Variants in UBE3C observed in about 807,000 individuals in gnomAD.
The protein encoded by UBE3C is ubiquitin-protein ligase E3C.
A neutral mutation model predicts 129.4 loss-of-function variants in UBE3C; 42 were observed. The observed-to-expected ratio is 0.32, with a 90% CI of 0.25 to 0.42. The LOEUF (loss-of-function observed/expected upper bound fraction) is 0.42. UBE3C is among the 10% of genes least tolerant of loss of function. UBE3C has a pLI of 1.00. For synonymous variants in UBE3C, 510 were observed against 492.4 expected (o/e 1.04, Z -0.47); for missense variants, 1,049 against 1,319.1 (o/e 0.80, Z 3.17).
chr7:157,228,187 C>A (rs1012490944), intron 17 of UBE3C, among the ~76,000 whole-genome samples: 2 of 152,168 alleles, frequency 1.3e-5, no homozygotes, highest in African/African-American at 4.8e-5. Context: ...GCATGTTAGC[C>A]CCTGTTACCC....
intron 1 of UBE3C, among the ~76,000 whole-genome samples, chr7:157,157,230 A>G: frequency 6.6e-6 from 1 of 152,240 alleles, no homozygotes; most frequent in East Asian, 1.9e-4. Flanking sequence ...GTAATAGTCC[A>G]TGCTGTGCAT....
In UBE3C at chr7:157,248,440, G is replaced by T. The variant is rs1468744647; in HGVS notation, c.2554G>T (p.Ala852Ser). 1.2e-6 allele frequency: 2 copies of T among 1,613,536 alleles called. No homozygotes were observed. The highest frequency in any genetic ancestry group is 2.7e-5 in the African/African-American group (2 of 74,888). Reference sequence around the variant, plus strand: ...TCTTTCCAAGTTGCTTGGAACCAGTGCCGACGTGGACATTCACCACCTCGC... The same window carrying T: ...TCTTTCCAAGTTGCTTGGAACCAGTTCCGACGTGGACATTCACCACCTCGC... ...FFLSKLLGTS[A>S]DVDIHHLASL... The change falls in exon 19 of 23, where the codon GCC becomes TCC. Residue 852 changes from alanine (A) to serine (S), a missense_variant. Coordinates refer to ENST00000348165, the MANE Select transcript of UBE3C (RefSeq NM_014671.3).
intron 18 of UBE3C, among the ~76,000 whole-genome samples, chr7:157,238,575 A>G (rs1182398): frequency 0.95 from 145,246 of 152,226 alleles, 69,343 homozygotes; most frequent in East Asian, 0.99. Context: ...CTAAGCTGGG[A>G]AAGGTGCGGG....
intron 1 of UBE3C, among the ~76,000 whole-genome samples, chr7:157,155,466 CAA>C (rs1331868055): frequency 6.6e-6 from 1 of 152,038 alleles, no homozygotes; most frequent in Non-Finnish European, 1.5e-5. Context: ...AACATGCTAA[CAA>C]TCGTTCTGTA....
chr7:157,231,027 T>C (rs2301947), intron 17 of UBE3C, 53 bp from the exon 18 acceptor site: 289,529 of 1,598,250 alleles, frequency 0.18, 28,482 homozygotes, highest in East Asian at 0.42. Flanking sequence ...TAGTTGATGT[T>C]ATTGCTTGCT....
chr7:157,214,420 A>G (rs1172009795), intron 13 of UBE3C, among the ~76,000 whole-genome samples: 2 of 152,174 alleles, frequency 1.3e-5, no homozygotes, highest in Admixed American at 6.5e-5. Flanking sequence ...ACCTGGAGCA[A>G]GTTACCCCCT....
intron 14 of UBE3C, 118 bp from the exon 15 acceptor site, chr7:157,220,571 A>G (rs1215144189): frequency 9.0e-7 from 1 of 1,113,852 alleles, no homozygotes; most frequent in Non-Finnish European, 1.3e-6. Flanking sequence ...GTATGAGGTC[A>G]GAGAGAGGGC....
At chr7:157,197,553 C>G (rs1264381339) in intron 10 of UBE3C, 1 of 1,198,800 alleles carries the variant, frequency 8.3e-7, no homozygotes, top group Admixed American at 2.0e-5. Context: ...CTTATTAATA[C>G]GACACATCAT....
At chr7:157,232,620 G>A (rs1318162596) in intron 18 of UBE3C, among the ~76,000 whole-genome samples, 1 of 152,160 alleles carries the variant, frequency 6.6e-6, no homozygotes, top group Non-Finnish European at 1.5e-5. Flanking sequence ...CCAAAGTGCT[G>A]GGATTACAAG....
chr7:157,166,593 ACCCAGGCATGCTGGCGCATGCCTGTAAT>A (rs1245909982), intron 2 of UBE3C, among the ~76,000 whole-genome samples: 3 of 151,960 alleles, frequency 2.0e-5, no homozygotes, highest in Non-Finnish European at 4.4e-5. Flanking sequence ...ATACAAAATT[ACCCAGGCATGCTGGCGCATGCCTGTAAT>A]CCCAGCTCCT....
intron 10 of UBE3C, chr7:157,192,565 T>C: frequency 1.3e-6 from 1 of 765,600 alleles, no homozygotes; most frequent in South Asian, 1.3e-5. Flanking sequence ...GAGCTTACTC[T>C]TCATCTTGTG....
At chr7:157,245,114 A>G (rs1193497986) in intron 18 of UBE3C, among the ~76,000 whole-genome samples, 3 of 152,236 alleles carry the variant, frequency 2.0e-5, no homozygotes, top group African/African-American at 7.2e-5. Flanking sequence ...GCCATCATTT[A>G]TTAGTGCTTG....
chr7:157,219,629 C>T (rs1352689456), intron 14 of UBE3C, among the ~76,000 whole-genome samples: 8 of 152,154 alleles, frequency 5.3e-5, no homozygotes, highest in Non-Finnish European at 7.4e-5. Flanking sequence ...TGGCTGGGCA[C>T]GGAGGCTCAC....
In UBE3C at chr7:157,263,679, A is replaced by G. The variant is rs560651451; in HGVS notation, c.3082-3906A>G. Reference sequence around the variant, plus strand: ...ACGCCAACTCAAAAAAAAAAAAAAAAGTCTAGCAAGTATTAGGAACATTCA... The same window carrying G: ...ACGCCAACTCAAAAAAAAAAAAAAAGGTCTAGCAAGTATTAGGAACATTCA... On this transcript the variant is annotated intron_variant, in intron 22 of 22. Coordinates refer to ENST00000348165, the MANE Select transcript of UBE3C (RefSeq NM_014671.3). 1.7e-4 allele frequency among the ~76,000 whole-genome samples: 26 copies of G among 151,256 alleles called. 1 individual carries two copies. The South Asian group carries it at 5.4e-3, about 32-fold the overall frequency.
intron 9 of UBE3C, among the ~76,000 whole-genome samples, chr7:157,186,262 A>G (rs1808802041): frequency 6.6e-6 from 1 of 152,058 alleles, no homozygotes; most frequent in East Asian, 1.9e-4. Context: ...TGTCTCTACT[A>G]AAAATACAAA....
chr7:157,247,889 C>T (rs1182385), intron 18 of UBE3C, among the ~76,000 whole-genome samples: 75,770 of 151,884 alleles, frequency 0.5, 21,992 homozygotes, highest in Non-Finnish European at 0.64. Flanking sequence ...CCTGTGGGCA[C>T]GGCCTTGTTT....
At chr7:157,222,405 A>G (rs979466252) in intron 15 of UBE3C, 19 of 148,250 alleles carry the variant, frequency 1.3e-4, no homozygotes, top group African/African-American at 4.5e-4. Context: ...TTCACCTAAC[A>G]CTTTACTTTT....
chr7:157,189,439 G>A (rs1808893866), intron 10 of UBE3C: 1 of 152,530 alleles, frequency 6.6e-6, no homozygotes, highest in Admixed American at 6.5e-5. Context: ...CTCTACTGCA[G>A]TATCAGACAA....
intron 1 of UBE3C, among the ~76,000 whole-genome samples, chr7:157,162,511 A>T (rs1379333382): frequency 2.8e-5 from 4 of 144,542 alleles, no homozygotes; most frequent in African/African-American, 1.0e-4. Context: ...TTTTTTTGTA[A>T]TGATTCATAT....
Sources: allele counts gnomAD v4.1 joint callset (sites outside exome capture counted in the v4.1 genomes callset), GRCh38; gene constraint gnomAD v4.1.1; transcripts MANE v1.5; gene names NCBI Gene and HGNC (gene_info 2026-07-23, HGNC 2026-07-21).